Variants in FAN1 observed in about 807,000 individuals in gnomAD.
FAN1 encodes the protein FANCD2 and FANCI associated nuclease 1.
A neutral mutation model predicts 104.9 loss-of-function variants in FAN1; 91 were observed. That is an observed-to-expected ratio of 0.87 (90% confidence interval 0.73 to 1.03). The LOEUF is 1.03. FAN1 is among the 50% of genes least tolerant of loss of function. FAN1 has a pLI of 0.00. For missense variants in FAN1, 1,263 were observed against 1,239.9 expected (o/e 1.02, Z -0.28); for synonymous variants, 478 against 457.6 (o/e 1.04, Z -0.57).
intron 14 of FAN1, chr15:30,939,624 G>A (rs1394614767): frequency 4.3e-6 from 4 of 925,978 alleles, no homozygotes; most frequent in Middle Eastern, 5.4e-4. Flanking sequence ...TTTTAAACTT[G>A]TAAATTAACA....
At chr15:30,918,351 A>G in intron 6 of FAN1, 56 bp downstream of exon 6, 2 of 1,553,020 alleles carry the variant, frequency 1.3e-6, no homozygotes. Context: ...GTTGTTCCCA[A>G]CACTTACAGT....
chr15:30,937,027 T>C (rs2062874561), intron 13 of FAN1, 92 bp from the exon 14 acceptor site: 1 of 994,946 alleles, frequency 1.0e-6, no homozygotes, highest in Non-Finnish European at 1.5e-6. Flanking sequence ...AGAAGAGCCA[T>C]TTAAATAGTT....
chr15:30,935,089 T>C (rs554152343), intron 13 of FAN1, among the ~76,000 whole-genome samples: 1 of 152,222 alleles, frequency 6.6e-6, no homozygotes, highest in South Asian at 2.1e-4. Flanking sequence ...GCGGATTGCT[T>C]GGGCTCAGGA....
At position 30,905,838 on chromosome 15, in the gene FAN1, A is replaced by C. The variant is rs770779778; in HGVS notation, c.1175A>C (p.Asp392Ala). The change falls in exon 2 of 15, where the codon GAT (aspartate) becomes GCT (alanine). Residue 392 changes from aspartate to alanine, a missense_variant. This residue lies in a region of FAN1 where 682 missense variants were observed against 571.1 expected (regional missense o/e 1.19). Coordinates refer to ENST00000362065, the MANE Select transcript of FAN1 (RefSeq NM_014967.5). ...VLKTVLENEDDMLLFDEQEKG... is the reference protein window; with the variant it reads ...VLKTVLENEDAMLLFDEQEKG... ...AAAACCGTACTTGAGAATGAAGATG[A>C]TATGTTGCTCTTTGATGAGCAGGAG... 4.3e-6 allele frequency: 7 copies of C among 1,613,968 alleles called. No individual in the cohort carries two copies. The highest frequency in any genetic ancestry group is 1.6e-4 in the Middle Eastern group (1 of 6,084).
rs1210354469 is a variant in FAN1, at chr15:30,919,816, GGA to G, written c.1944-721_1944-720del. Among the ~76,000 whole-genome samples the G allele has an allele frequency of 2.0e-5, 3 of 152,142 alleles. No homozygotes were observed. The East Asian group carries it at 5.8e-4, about 29-fold the overall frequency. Reference sequence around the variant, plus strand: ...TTTACAGCAAATAGGCTGAGGACGAGGAGAGAGAGGAGGGCTTGGTCTTGCTG... The same window carrying G: ...TTTACAGCAAATAGGCTGAGGACGAGGAGAGAGGAGGGCTTGGTCTTGCTG... On this transcript the variant is annotated intron_variant, in intron 6 of 14. Coordinates refer to ENST00000362065, the MANE Select transcript of FAN1 (RefSeq NM_014967.5).
rs115970992 is a variant in FAN1, at chr15:30,935,566, A to T, written c.2917-1553A>T. Among the ~76,000 whole-genome samples, 703 of 152,326 alleles carry T rather than the reference A, an allele frequency of 4.6e-3. 4 individuals are homozygous for T. Among genetic ancestry groups the T allele is most frequent in the African/African-American group, 0.016 (681 of 41,568 alleles). On this transcript the variant is annotated intron_variant, in intron 13 of 14. Coordinates refer to ENST00000362065, the MANE Select transcript of FAN1 (RefSeq NM_014967.5). ...TAGAGATGATTTAAAGTATATGAGA[A>T]GATGTGCTAGAATATGCAGATGCGA...
At chr15:30,917,253 G>A (rs2062215754) in intron 5 of FAN1, among the ~76,000 whole-genome samples, 1 of 152,112 alleles carries the variant, frequency 6.6e-6, no homozygotes, top group Admixed American at 6.5e-5. Flanking sequence ...TGCTGGAGGC[G>A]TCAGTGTGTG....
rs766542289 is a variant in FAN1 at position 30,941,920 on chromosome 15, C to T, written c.*358C>T. On this transcript the variant is annotated 3_prime_UTR_variant, in exon 15 of 15. Coordinates refer to ENST00000362065, the MANE Select transcript of FAN1 (RefSeq NM_014967.5). Reference sequence around the variant, plus strand: ...TGGAAAACCATTCTCTAAAATACTGCTCCGTATCACTGTTCTGGCTGTCGG... The same window carrying T: ...TGGAAAACCATTCTCTAAAATACTGTTCCGTATCACTGTTCTGGCTGTCGG... The T allele has an allele frequency of 6.2e-7, 1 of 1,614,038 alleles. No homozygotes were observed. The highest frequency in any genetic ancestry group is 1.1e-5 in the South Asian group (1 of 91,082).
At chr15:30,904,230 T>C (rs1227456583) in intron 1 of FAN1, among the ~76,000 whole-genome samples, 1 of 152,214 alleles carries the variant, frequency 6.6e-6, no homozygotes, top group Non-Finnish European at 1.5e-5. Context: ...ACAGTGGTCT[T>C]GTAAAGGGTC....
chr15:30,923,424 TA>T (rs2140931899), intron 8 of FAN1, among the ~76,000 whole-genome samples: 1 of 152,290 alleles, frequency 6.6e-6, no homozygotes, highest in African/African-American at 2.4e-5. Flanking sequence ...ACAGTTCTGC[TA>T]GGGGGTAGAC....
chr15:30,933,753 C>CT (rs545200453), intron 13 of FAN1, among the ~76,000 whole-genome samples: 51 of 136,140 alleles, frequency 3.7e-4, no homozygotes, highest in Middle Eastern at 3.8e-3. Context: ...TATTTCTTTT[C>CT]TTTTTTTTTT....
chr15:30,931,254 A>T (rs939089313), intron 13 of FAN1, among the ~76,000 whole-genome samples: 6 of 152,170 alleles, frequency 3.9e-5, no homozygotes, highest in African/African-American at 1.4e-4. Context: ...AACGCTGTCC[A>T]CTAGCCCAGC....
chr15:30,907,247 G>T (rs2140901755), intron 2 of FAN1, among the ~76,000 whole-genome samples: 1 of 152,138 alleles, frequency 6.6e-6, no homozygotes, highest in African/African-American at 2.4e-5. Flanking sequence ...GCTGGGCATG[G>T]TGGCTCAGGC....
chr15:30,904,858 T>C lies in FAN1; in HGVS notation c.195T>C (p.Ala65=). ...ACCGGCACCTTGATGAAATGTGTGC[T>C]AACAATGACTTCGTTCAAGTGGATC... The part of the protein sequence containing the change: ...DLNRHLDEMC[A]NNDFVQVDPG... The change falls in exon 2 of 15, where the codon GCT becomes GCC. Residue 65 remains alanine, a synonymous_variant. Transcript: ENST00000362065. 6.2e-7 allele frequency: 1 copy of C among 1,613,558 alleles called. No individual in the cohort carries two copies. The highest frequency in any genetic ancestry group is 8.5e-7 in the Non-Finnish European group (1 of 1,179,502).
chr15:30,905,911 G>A lies in FAN1; in HGVS notation c.1234+14G>A, dbSNP rs764241753. On this transcript the variant is annotated intron_variant, in intron 2 of 14. Coordinates refer to ENST00000362065, the MANE Select transcript of FAN1 (RefSeq NM_014967.5). ...ATCAGTTATCAGGTATCTTACGCAC[G>A]TGTTTGTTTTCAAGTTTTCATTCCC... 10 of 1,599,612 alleles carry A rather than the reference G, an allele frequency of 6.3e-6. No individual in the cohort carries two copies. The highest frequency in any genetic ancestry group is 2.2e-5 in the South Asian group (2 of 89,554).
chr15:30,939,001 A>G (rs2062950019), intron 14 of FAN1: 1 of 985,266 alleles, frequency 1.0e-6, no homozygotes, highest in Non-Finnish European at 1.2e-6. Flanking sequence ...ATACTGTTGA[A>G]CAACAAGATA....
chr15:30,941,118 T>C (rs2063032669), intron 14 of FAN1: 8 of 1,259,798 alleles, frequency 6.4e-6, no homozygotes, highest in Non-Finnish European at 7.2e-6. Flanking sequence ...TTTCCTAACT[T>C]TCCTGTTGTC....
intron 12 of FAN1, among the ~76,000 whole-genome samples, chr15:30,929,660 A>G (rs1393259596): frequency 1.4e-5 from 1 of 72,230 alleles, no homozygotes; most frequent in Non-Finnish European, 3.0e-5. Context: ...AATATAATAT[A>G]TGAAATATAT....
chr15:30,927,533 G>T (rs534160375), intron 10 of FAN1: 1 of 985,800 alleles, frequency 1.0e-6, no homozygotes, highest in Admixed American at 6.1e-5. Flanking sequence ...ATGACGGGCT[G>T]TGGCTTCCTG....
Sources: allele counts gnomAD v4.1 joint callset (sites outside exome capture counted in the v4.1 genomes callset), GRCh38; gene constraint gnomAD v4.1.1; regional missense constraint gnomAD v4.1.1; transcripts MANE v1.5; gene names NCBI Gene and HGNC (gene_info 2026-07-23, HGNC 2026-07-21).